The following MTFMT variants were observed in gnomAD, a reference collection of about 807,000 sequenced individuals.
MTFMT encodes the protein methionyl-tRNA formyltransferase, mitochondrial.
A neutral mutation model predicts 51.8 loss-of-function variants in MTFMT; 47 were observed. The ratio of observed to expected loss-of-function variants is 0.91; its 90% CI spans 0.72 to 1.16. The LOEUF (loss-of-function observed/expected upper bound fraction) is 1.16, where lower values mean the gene tolerates loss of function less well. Among genes scored for constraint, MTFMT ranks in the 50% most tolerant of loss-of-function variants. The pLI, the probability that MTFMT is intolerant of heterozygous loss-of-function variation, is 0.00. For synonymous variants in MTFMT, 196 were observed against 176.7 expected (o/e 1.11, Z -0.87); for missense variants, 512 against 482.3 (o/e 1.06, Z -0.58).
chr15:65,018,265 T>C (rs1261049953), intron 5 of MTFMT, among the ~76,000 whole-genome samples: 1 of 151,922 alleles, frequency 6.6e-6, no homozygotes, highest in African/African-American at 2.4e-5. Flanking sequence ...GGCAGTAATC[T>C]GACTGTATAT....
At chr15:65,028,335 G>T (rs1369597821) in intron 1 of MTFMT, among the ~76,000 whole-genome samples, 2 of 152,198 alleles carry the variant, frequency 1.3e-5, no homozygotes, top group Admixed American at 1.3e-4. Flanking sequence ...ATGATTGCTT[G>T]ATCTTTGAGG....
chr15:65,027,865 T>A (rs1202114389), intron 1 of MTFMT, among the ~76,000 whole-genome samples: 4 of 152,196 alleles, frequency 2.6e-5, no homozygotes, highest in African/African-American at 9.7e-5. Flanking sequence ...TCCATGGAAC[T>A]TTTTTACCAT....
At chr15:65,008,567 C>G (rs1253932677) in intron 6 of MTFMT, among the ~76,000 whole-genome samples, 1 of 152,186 alleles carries the variant, frequency 6.6e-6, no homozygotes, top group Non-Finnish European at 1.5e-5. Flanking sequence ...CCAGGACTGG[C>G]TTCTGTTTTC....
In MTFMT at chr15:65,023,695, T is replaced by C. The variant is rs201761122; in HGVS notation, c.519A>G (p.Thr173=). The change falls in exon 3 of 9, where the codon ACA becomes ACG. Residue 173 remains threonine, a synonymous_variant. Coordinates refer to ENST00000220058, the MANE Select transcript of MTFMT (RefSeq NM_139242.4). ...VLHGDTVTGV[T]IMQIRPKRFD... ...ACCTTTTAGGTCTAATTTGCATAAT[T>C]GTTACTCCAGTAACTGTGTCTCCGT... is the stretch of plus-strand genomic sequence containing the variant. 8 of 1,613,636 alleles carry C rather than the reference T, an allele frequency of 5.0e-6. No homozygotes were observed. Among genetic ancestry groups the C allele is most frequent in the Non-Finnish European group, 6.8e-6 (8 of 1,179,668 alleles).
chr15:65,028,237 T>A lies in MTFMT; in HGVS notation c.209+1168A>T, dbSNP rs143854743. On this transcript the variant is annotated intron_variant, in intron 1 of 8. Transcript: ENST00000220058. ...GAGTTTGAGATAAGCCTGGGCAACA[T>A]GGTGAAAACCCGCCTCTACAAAAAA... 1.5e-3 allele frequency among the ~76,000 whole-genome samples: 226 copies of A among 152,114 alleles called. 1 individual carries two copies. Among genetic ancestry groups the A allele is most frequent in the Middle Eastern group, 0.01 (3 of 294 alleles).
rs113189191 is a variant in MTFMT at position 65,018,026 on chromosome 15, G to A, written c.722-1499C>T. ...ATGTTACCTATAGAGGGAGGAATAC[G>A]GGTTAGATAAGATAGAGATGGAAGT... On this transcript the variant is annotated intron_variant, in intron 5 of 8. Transcript: ENST00000220058. Among the ~76,000 whole-genome samples the A allele has an allele frequency of 7.9e-3, 1,198 of 152,190 alleles. 7 individuals are homozygous for A. The highest frequency in any genetic ancestry group is 0.02 in the South Asian group (97 of 4,824).
rs568938455 is a variant in MTFMT, at chr15:65,020,998, A to G, written c.645+516T>C. On this transcript the variant is annotated intron_variant, in intron 4 of 8. Coordinates refer to ENST00000220058, the MANE Select transcript of MTFMT (RefSeq NM_139242.4). ...AAATTAACCCGTTCATATGGAAAACATAAGTTTAGTCATTAAACATTTACC... is the reference window on the plus strand; with the variant it reads ...AAATTAACCCGTTCATATGGAAAACGTAAGTTTAGTCATTAAACATTTACC... Among the ~76,000 whole-genome samples the G allele has an allele frequency of 1.1e-4, 17 of 152,368 alleles. No homozygotes were observed. The South Asian group carries it at 2.9e-3, about 26-fold the overall frequency.
chr15:65,011,485 C>CTTTTTTTTTTT (rs536213292), intron 6 of MTFMT, among the ~76,000 whole-genome samples: 2 of 74,078 alleles, frequency 2.7e-5, no homozygotes, highest in African/African-American at 1.3e-4. Context: ...TGTAAGCTGT[C>CTTTTTTTTTTT]TTTTTTTTTT....
At chr15:65,007,596 G>C (rs1326763228) in intron 6 of MTFMT, among the ~76,000 whole-genome samples, 1 of 152,174 alleles carries the variant, frequency 6.6e-6, no homozygotes, top group Non-Finnish European at 1.5e-5. Context: ...TTTTAAAGTG[G>C]AATGCGTGGG....
rs544519560 is a variant in MTFMT at position 65,014,073 on chromosome 15, A to C, written c.813+2363T>G. Among the ~76,000 whole-genome samples the C allele has an allele frequency of 2.0e-5, 3 of 152,098 alleles. No individual in the cohort carries two copies. In the South Asian group the frequency reaches 6.2e-4, roughly 32 times the overall value. On this transcript the variant is annotated intron_variant, in intron 6 of 8. Transcript: ENST00000220058. The stretch of plus-strand genomic sequence containing the variant: ...GTGGAGGACTTGTGCATCTATATTC[A>C]GGGATATCAGTCTGGAGTTTCCTTT...
chr15:65,026,401 AAC>A lies in MTFMT; in HGVS notation c.419+428_419+429del, dbSNP rs552913507. ...ATTTGAATTGTGAAACGTGTACCAT[AAC>A]ACAGAGTGGATTGGTCTTGCTTTTG... On this transcript the variant is annotated intron_variant, in intron 2 of 8. Transcript: ENST00000220058. 6.5e-5 allele frequency: 15 copies of A among 229,402 alleles called. No homozygotes were observed. In the South Asian group the frequency reaches 1.1e-3, roughly 16 times the overall value. The allele number at this position is 229,402 out of a possible 1,614,324, so 14.2% of individuals were successfully genotyped here. A position where few individuals can be genotyped will look rare whatever the true frequency, so the allele number is the denominator to read the frequency against.
chr15:65,015,112 GA>G (rs775979892), intron 6 of MTFMT, among the ~76,000 whole-genome samples: 3 of 152,038 alleles, frequency 2.0e-5, no homozygotes, highest in African/African-American at 7.2e-5. Context: ...TACTGTACAA[GA>G]TGCTGTAAAT....
Position 65,002,984 on chromosome 15 carries a change from A to AAT in MTFMT, c.*77_*78insAT. 1 of 898,828 alleles carries AAT rather than the reference A, an allele frequency of 1.1e-6. No homozygotes were observed. The highest frequency in any genetic ancestry group is 1.5e-6 in the Non-Finnish European group (1 of 657,000). The allele number at this position is 898,828 out of a possible 1,614,324, so 55.7% of individuals were successfully genotyped here. ...TCTCAAAAAAAAAAAAAAAAAAAAA[A>AAT]GTCCAGATAATTCCTTGTAAATAAG... On this transcript the variant is annotated 3_prime_UTR_variant, in exon 9 of 9. Coordinates refer to ENST00000220058, the MANE Select transcript of MTFMT (RefSeq NM_139242.4).
At chr15:65,024,157 T>C (rs2086400603) in intron 2 of MTFMT, among the ~76,000 whole-genome samples, 3 of 152,072 alleles carry the variant, frequency 2.0e-5, no homozygotes, top group South Asian at 2.1e-4. Context: ...AGAAACCCCA[T>C]CTCTACTAAA....
In MTFMT at chr15:65,003,062, C is replaced by A; in HGVS notation, c.1170G>T (p.Ter390TyrextTer16). 6.6e-7 allele frequency: 1 copy of A among 1,513,140 alleles called. No homozygotes were observed. The highest frequency in any genetic ancestry group is 8.9e-7 in the Non-Finnish European group (1 of 1,124,256). 93.7% of individuals were successfully genotyped at this position (1,513,140 alleles called of 1,614,324 possible). A position where few individuals can be genotyped will look rare whatever the true frequency, so the allele number is the denominator to read the frequency against. Residue 390 changes from the stop codon to tyrosine, a stop_lost, in exon 9 of 9, where the codon TAG (stop) becomes TAT (tyrosine). Transcript: ENST00000220058. ...AGGTTTTTATCCATCTTCTTCCTAACTACTCAATGCATTGTTGCATAGCAA... is the reference window on the plus strand; with the variant it reads ...AGGTTTTTATCCATCTTCTTCCTAAATACTCAATGCATTGTTGCATAGCAA... ...KTVAMQQCIE[*>Y]
intron 8 of MTFMT, among the ~76,000 whole-genome samples, chr15:65,004,540 A>C (rs1477648774): frequency 1.3e-5 from 2 of 152,206 alleles, no homozygotes; most frequent in African/African-American, 2.4e-5. Context: ...AGATATTTTG[A>C]TATGACTATC....
chr15:65,021,686 A>G, intron 3 of MTFMT, 70 bp from the exon 4 acceptor site: 1 of 1,241,640 alleles, frequency 8.1e-7, no homozygotes, highest in East Asian at 2.4e-5. Flanking sequence ...TCTACACACA[A>G]AAAGATACAA....
At position 65,021,626 on chromosome 15, in the gene MTFMT, A is replaced by T; in HGVS notation, c.543-10T>A. 1 of 1,542,384 alleles carries T rather than the reference A, an allele frequency of 6.5e-7. No individual in the cohort carries two copies. The highest frequency in any genetic ancestry group is 1.2e-5 in the South Asian group (1 of 84,878). ...TGGGCCTACATCAAACCTAGCAAAA[A>T]ATCAAAAGCAAATAATGACAATGAT... On this transcript the variant is annotated splice_polypyrimidine_tract_variant and intron_variant, in intron 3 of 8. Coordinates refer to ENST00000220058, the MANE Select transcript of MTFMT (RefSeq NM_139242.4).
At chr15:65,013,866 C>T (rs2086291606) in intron 6 of MTFMT, among the ~76,000 whole-genome samples, 1 of 151,822 alleles carries the variant, frequency 6.6e-6, no homozygotes, top group Non-Finnish European at 1.5e-5. Context: ...TTGCTAGAGC[C>T]CAGAAGGCGG....
Sources: gnomAD v4.1 joint callset for allele counts (sites outside exome capture counted in the v4.1 genomes callset) on GRCh38, gnomAD v4.1.1 for gene constraint, MANE v1.5 for transcripts, NCBI Gene and HGNC (gene_info 2026-07-23, HGNC 2026-07-21) for gene names.